ELP1: variants seen among roughly 807,000 people sequenced by gnomAD.
The protein encoded by ELP1 is elongator acetyltransferase complex subunit 1.
Under a neutral mutation model 183.2 loss-of-function variants are expected in ELP1, and 131 were observed. The ratio of observed to expected loss-of-function variants is 0.72; its 90% CI spans 0.62 to 0.83. The LOEUF (loss-of-function observed/expected upper bound fraction) is 0.83. ELP1 is among the 40% of genes least tolerant of loss of function. The pLI, the probability that ELP1 is intolerant of heterozygous loss-of-function variation, is 0.00. For synonymous variants in ELP1, 555 were observed against 569.0 expected, an observed-to-expected ratio of 0.98 and a Z score of 0.35; for missense variants, 1,550 against 1,594.9, an observed-to-expected ratio of 0.97 and a Z score of 0.48.
At chr9:108,914,682 G>A (rs1465823181) in intron 10 of ELP1, among the ~76,000 whole-genome samples, 1 of 152,026 alleles carries the variant, frequency 6.6e-6, no homozygotes, top group East Asian at 1.9e-4. Context: ...GGAGTGCAGT[G>A]GCACGATCTC....
At chr9:108,884,658 G>A (rs1362576270) in intron 29 of ELP1, among the ~76,000 whole-genome samples, 1 of 152,030 alleles carries the variant, frequency 6.6e-6, no homozygotes, top group Admixed American at 6.5e-5. Context: ...GAAATCACAA[G>A]GGAAATTAGG....
At chr9:108,907,235 A>G (rs1158136130) in intron 13 of ELP1, among the ~76,000 whole-genome samples, 2 of 152,136 alleles carry the variant, frequency 1.3e-5, no homozygotes, top group Non-Finnish European at 2.9e-5. Flanking sequence ...CCCTTCCCCA[A>G]GATCACGATG....
chr9:108,889,465 G>A lies in ELP1; in HGVS notation c.3161-72C>T, dbSNP rs1828242933. 7.6e-6 allele frequency: 10 copies of A among 1,316,912 alleles called. No individual in the cohort carries two copies. The South Asian group carries it at 9.4e-5, about 12-fold the overall frequency. 81.6% of individuals were successfully genotyped at this position (1,316,912 alleles called of 1,614,324 possible). ...TTTAGCTCAAGTGCTTCTTTAATAT[G>A]TCTTTATTATGTATGAAACTATGTA... On this transcript the variant is annotated intron_variant, in intron 28 of 36. Coordinates refer to ENST00000374647, the MANE Select transcript of ELP1 (RefSeq NM_003640.5).
chr9:108,927,852 G>T (rs1035510315), intron 3 of ELP1, among the ~76,000 whole-genome samples: 1 of 152,066 alleles, frequency 6.6e-6, no homozygotes, highest in Non-Finnish European at 1.5e-5. Context: ...TTGAACTCAC[G>T]GACACAGAGA....
chr9:108,900,020 G>T, intron 19 of ELP1, 125 bp from the exon 20 acceptor site: 1 of 886,902 alleles, frequency 1.1e-6, no homozygotes, highest in Non-Finnish European at 1.8e-6. Context: ...CACACTTTTA[G>T]CAGAATCTTG....
chr9:108,918,725 C>T (rs747023118), intron 8 of ELP1, 86 bp downstream of exon 8: 93 of 924,302 alleles, frequency 1.0e-4, no homozygotes, highest in Non-Finnish European at 1.7e-4. Flanking sequence ...TTGTGTTACA[C>T]AAACATCTGT....
At chr9:108,884,476 C>T (rs901025519) in intron 29 of ELP1, among the ~76,000 whole-genome samples, 1 of 152,088 alleles carries the variant, frequency 6.6e-6, no homozygotes, top group Non-Finnish European at 1.5e-5. Flanking sequence ...ACACAACATT[C>T]TGTAAAACAG....
intron 29 of ELP1, among the ~76,000 whole-genome samples, chr9:108,886,795 A>C (rs1828139100): frequency 6.6e-6 from 1 of 152,160 alleles, no homozygotes; most frequent in African/African-American, 2.4e-5. Context: ...ACAAGATGTA[A>C]ACTAATGAGC....
Position 108,893,063 on chromosome 9 carries a change from A to C in ELP1, c.2881T>G (p.Cys961Gly). 1 of 1,613,540 alleles carries C rather than the reference A, an allele frequency of 6.2e-7. No individual in the cohort carries two copies. The highest frequency in any genetic ancestry group is 2.2e-5 in the East Asian group (1 of 44,862). ...TTTTTATCTTTTATCAAGTTTAAGC[A>C]TTCTGGGAAGTACTCAGGTCCTGCA... ...SKCGPEYFPE[C>G]LNLIKDKNLY... The change falls in exon 27 of 37, where the codon TGC (cysteine) becomes GGC (glycine). Residue 961 changes from cysteine to glycine, a missense_variant. By Grantham distance (159) the Cys-to-Gly change is radical. Transcript: ENST00000374647.
chr9:108,882,918 C>T (rs10117384), intron 29 of ELP1, among the ~76,000 whole-genome samples: 41,241 of 152,088 alleles, frequency 0.27, 5,941 homozygotes, highest in East Asian at 0.4. Context: ...TGTTGTTGAG[C>T]TGCAGGAGTT....
chr9:108,928,802 G>A (rs1455341254), intron 3 of ELP1, among the ~76,000 whole-genome samples: 1 of 152,100 alleles, frequency 6.6e-6, no homozygotes, highest in East Asian at 1.9e-4. Flanking sequence ...AAAACAAGCT[G>A]TATATGACAA....
intron 1 of ELP1, among the ~76,000 whole-genome samples, chr9:108,933,477 C>G (rs937847177): frequency 6.6e-6 from 1 of 152,228 alleles, no homozygotes; most frequent in Non-Finnish European, 1.5e-5. Context: ...TGGAGAAGCA[C>G]AGAGGACACC....
intron 5 of ELP1, among the ~76,000 whole-genome samples, chr9:108,925,064 G>C (rs932142315): frequency 6.6e-6 from 1 of 152,102 alleles, no homozygotes; most frequent in African/African-American, 2.4e-5. Flanking sequence ...AATGATTCCT[G>C]CTTCTAGCCC....
rs371809445 is a variant in ELP1, at chr9:108,896,937, G to A, written c.2587+16C>T. Reference sequence around the variant, plus strand: ...CACGGCCACCTTAAGCACTTTCTCTGTGAGCGGATCTCTACCTTGAAGCTC... The same window carrying A: ...CACGGCCACCTTAAGCACTTTCTCTATGAGCGGATCTCTACCTTGAAGCTC... On this transcript the variant is annotated intron_variant, in intron 24 of 36. Coordinates refer to ENST00000374647, the MANE Select transcript of ELP1 (RefSeq NM_003640.5). 9 of 1,610,024 alleles carry A rather than the reference G, an allele frequency of 5.6e-6. No individual in the cohort carries two copies. The Admixed American group carries it at 1.3e-4, about 24-fold the overall frequency.
At chr9:108,909,590 T>C (rs1303663309) in intron 12 of ELP1, among the ~76,000 whole-genome samples, 1 of 152,224 alleles carries the variant, frequency 6.6e-6, no homozygotes, top group Non-Finnish European at 1.5e-5. Flanking sequence ...GTGGGTTCTT[T>C]AACTTCTCAG....
chr9:108,911,132 A>G lies in ELP1; in HGVS notation c.1238T>C (p.Met413Thr). 2 of 1,614,174 alleles carry G rather than the reference A, an allele frequency of 1.2e-6. No homozygotes were observed. ...VFRQTVVPPP[M>T]CTYQLLFPHP... Reference sequence around the variant, plus strand: ...TGGGAACAGCAGTTGGTAGGTGCACATGGGAGGCGGAACCACAGTCTGCCG... The same window carrying G: ...TGGGAACAGCAGTTGGTAGGTGCACGTGGGAGGCGGAACCACAGTCTGCCG... Residue 413 changes from methionine to threonine, a missense_variant, in exon 12 of 37, where the codon ATG becomes ACG. By Grantham distance (81) the Met-to-Thr change is moderately conservative. Coordinates refer to ENST00000374647, the MANE Select transcript of ELP1 (RefSeq NM_003640.5).
At chr9:108,904,258 T>A (rs1479187032) in intron 14 of ELP1, among the ~76,000 whole-genome samples, 3 of 151,236 alleles carry the variant, frequency 2.0e-5, no homozygotes, top group African/African-American at 7.3e-5. Flanking sequence ...TTTTTTTTTT[T>A]TTTTGGACAG....
intron 15 of ELP1, 100 bp from the exon 16 acceptor site, chr9:108,903,042 T>C (rs932252437): frequency 1.8e-5 from 14 of 761,950 alleles, no homozygotes; most frequent in Non-Finnish European, 3.2e-5. Context: ...GCAATTTCAA[T>C]CACTTTTTTT....
At chr9:108,929,132 G>A (rs541663624) in intron 3 of ELP1, among the ~76,000 whole-genome samples, 1 of 152,344 alleles carries the variant, frequency 6.6e-6, no homozygotes, top group Admixed American at 6.5e-5. Context: ...TAACTTCTGT[G>A]ACATAATCAA....
Sources: allele counts gnomAD v4.1 joint callset (sites outside exome capture counted in the v4.1 genomes callset), GRCh38; gene constraint gnomAD v4.1.1; transcripts MANE v1.5; gene names NCBI Gene and HGNC (gene_info 2026-07-23, HGNC 2026-07-21).